Variants in SPARCL1 observed in about 807,000 individuals in gnomAD.
SPARCL1 encodes the protein SPARC like 1, also known as SPARC-like protein 1.
SPARCL1 carries 52 observed loss-of-function variants against 67.1 expected under a neutral mutation model. The observed-to-expected ratio is 0.78, with a 90% CI of 0.62 to 0.98. The LOEUF is 0.98. SPARCL1 is among the 50% of genes least tolerant of loss of function. SPARCL1 has a pLI of 0.00. For synonymous variants in SPARCL1, 226 were observed against 267.8 expected, an observed-to-expected ratio of 0.84 and a Z score of 1.52; for missense variants, 717 against 782.4, an observed-to-expected ratio of 0.92 and a Z score of 1.00.
Position 87,490,294 on chromosome 4 carries a change from C to A in SPARCL1, c.1510G>T (p.Asp504Tyr), listed in dbSNP as rs764876001. Reference sequence around the variant, plus strand: ...TTACATTTGCAGGCTCCAAAATAATCCAGCTGGAGTTGATGCCCCTTTTTG... The same window carrying A: ...TTACATTTGCAGGCTCCAAAATAATACAGCTGGAGTTGATGCCCCTTTTTG... ...GTKKGHQLQL[D>Y]YFGACKSIPT... The change falls in exon 7 of 11, where the codon GAT (aspartate) becomes TAT (tyrosine). Residue 504 changes from aspartate (D) to tyrosine (Y), a missense_variant. By Grantham distance (160) the Asp-to-Tyr change is radical. Transcript: ENST00000282470. 5 of 1,611,560 alleles carry A rather than the reference C, an allele frequency of 3.1e-6. No homozygotes were observed. The highest frequency in any genetic ancestry group is 4.2e-6 in the Non-Finnish European group (5 of 1,179,034).
At chr4:87,508,782 A>ATG (rs71667857) in intron 1 of SPARCL1, among the ~76,000 whole-genome samples, 39,177 of 139,826 alleles carry the variant, frequency 0.28, 5,413 homozygotes, top group East Asian at 0.45. Flanking sequence ...GATGAAACAT[A>ATG]TGTGTGTGTG....
chr4:87,505,551 TTTTA>T (rs1725037819), intron 1 of SPARCL1, among the ~76,000 whole-genome samples: 1 of 152,006 alleles, frequency 6.6e-6, no homozygotes, highest in South Asian at 2.1e-4. Context: ...TTATATTTTA[TTTTA>T]TTTATTTATT....
intron 4 of SPARCL1, among the ~76,000 whole-genome samples, chr4:87,491,964 A>T (rs1158188144): frequency 1.4e-5 from 2 of 141,902 alleles, no homozygotes; most frequent in Non-Finnish European, 3.1e-5. Flanking sequence ...CCAAAAAAAA[A>T]AAAATTAGCT....
chr4:87,494,414 G>C lies in SPARCL1; in HGVS notation c.386C>G (p.Pro129Arg), dbSNP rs74327902. ...GTTCTCTGAGAGTTTTTTCTCCTGA[G>C]GCTCACTCATATCTTCTTTTATGTC... ...TLDIKEDMSEPQEKKLSENTD... is the reference protein window; with the variant it reads ...TLDIKEDMSERQEKKLSENTD... Residue 129 changes from proline to arginine, a missense_variant, in exon 4 of 11, where the codon CCT (proline) becomes CGT (arginine). Pro to Arg is a moderately radical substitution (Grantham distance 103, BLOSUM62 -2). Transcript: ENST00000282470. 4.9e-4 allele frequency: 796 copies of C among 1,614,086 alleles called. 5 individuals are homozygous for C. The African/African-American group carries it at 9.8e-3, about 20-fold the overall frequency.
Position 87,504,451 on chromosome 4 carries a change from G to A in SPARCL1, c.-11-4866C>T, listed in dbSNP as rs149793021. Among the ~76,000 whole-genome samples the A allele has an allele frequency of 1.7e-3, 257 of 152,194 alleles. 1 individual carries two copies. The highest frequency in any genetic ancestry group is 5.7e-3 in the African/African-American group (237 of 41,528). Reference sequence around the variant, plus strand: ...TACTTGACATTTCTATTGCCATAGTGCTTTGGGTTTACCAAATAAATTTAC... The same window carrying A: ...TACTTGACATTTCTATTGCCATAGTACTTTGGGTTTACCAAATAAATTTAC... On this transcript the variant is annotated intron_variant, in intron 1 of 10. Coordinates refer to ENST00000282470, the MANE Select transcript of SPARCL1 (RefSeq NM_004684.6).
At chr4:87,511,774 A>G (rs1725367035) in intron 1 of SPARCL1, among the ~76,000 whole-genome samples, 1 of 152,086 alleles carries the variant, frequency 6.6e-6, no homozygotes, top group Non-Finnish European at 1.5e-5. Flanking sequence ...GGTGGATGCC[A>G]GCCTGCAGTG....
chr4:87,502,589 G>T (rs1290824556), intron 1 of SPARCL1, among the ~76,000 whole-genome samples: 1 of 152,136 alleles, frequency 6.6e-6, no homozygotes, highest in African/African-American at 2.4e-5. Flanking sequence ...TGTGACATAT[G>T]TTCTTGTCTC....
chr4:87,473,601 G>T lies in SPARCL1; in HGVS notation c.*174C>A. On this transcript the variant is annotated 3_prime_UTR_variant, in exon 11 of 11. Coordinates refer to ENST00000282470, the MANE Select transcript of SPARCL1 (RefSeq NM_004684.6). ...TTAATTGTACATTTTTGTTTCCAAA[G>T]TTAATGTTAAATACCTGGTGCATAG... 2.2e-6 allele frequency: 1 copy of T among 461,594 alleles called. No individual in the cohort carries two copies. The highest frequency in any genetic ancestry group is 3.9e-6 in the Non-Finnish European group (1 of 257,820). The allele number at this position is 461,594 out of a possible 1,614,324, so 28.6% of individuals were successfully genotyped here. A position where few individuals can be genotyped will look rare whatever the true frequency, so the allele number is the denominator to read the frequency against.
At chr4:87,511,960 TC>T (rs1725377008) in intron 1 of SPARCL1, among the ~76,000 whole-genome samples, 2 of 118,114 alleles carry the variant, frequency 1.7e-5, no homozygotes, top group African/African-American at 3.5e-5. Context: ...CTTTCCTCTT[TC>T]TTTCTCTTTT....
chr4:87,482,060 T>C (rs1488042436), intron 8 of SPARCL1, among the ~76,000 whole-genome samples: 1 of 152,246 alleles, frequency 6.6e-6, no homozygotes, highest in Non-Finnish European at 1.5e-5. Context: ...CTTTATATCA[T>C]ACATCTATGT....
At chr4:87,506,060 G>A (rs1725059205) in intron 1 of SPARCL1, among the ~76,000 whole-genome samples, 1 of 152,054 alleles carries the variant, frequency 6.6e-6, no homozygotes, top group South Asian at 2.1e-4. Flanking sequence ...GATGTCAGTA[G>A]CGAGCCCCCA....
intron 8 of SPARCL1, among the ~76,000 whole-genome samples, 195 bp downstream of exon 8, chr4:87,482,229 C>A (rs1039215936): frequency 6.6e-6 from 1 of 152,066 alleles, no homozygotes; most frequent in Non-Finnish European, 1.5e-5. Context: ...AAGAATGGGG[C>A]GGTTTGGTGG....
At chr4:87,516,415 A>G (rs866674267) in intron 1 of SPARCL1, among the ~76,000 whole-genome samples, 10 of 152,172 alleles carry the variant, frequency 6.6e-5, no homozygotes, top group Admixed American at 2.0e-4. Context: ...TAGTAGAATC[A>G]CTTATGGTCA....
At chr4:87,505,742 A>G (rs902877439) in intron 1 of SPARCL1, among the ~76,000 whole-genome samples, 5 of 107,820 alleles carry the variant, frequency 4.6e-5, no homozygotes, top group Non-Finnish European at 7.6e-5. Context: ...TTTTTTTTGT[A>G]GAGATGGGGT....
At chr4:87,474,821 C>G (rs564941138) in intron 10 of SPARCL1, among the ~76,000 whole-genome samples, 7 of 151,010 alleles carry the variant, frequency 4.6e-5, no homozygotes, top group African/African-American at 1.2e-4. Context: ...CGGCTCACTG[C>G]AAGCTCCGCC....
intron 2 of SPARCL1, among the ~76,000 whole-genome samples, chr4:87,495,439 A>C (rs921195221): frequency 2.0e-5 from 3 of 152,220 alleles, no homozygotes; most frequent in Non-Finnish European, 4.4e-5. Context: ...ACTTTTGCAA[A>C]GCATTTGTAC....
chr4:87,474,844 G>C (rs532375346), intron 10 of SPARCL1, among the ~76,000 whole-genome samples: 1 of 150,368 alleles, frequency 6.7e-6, no homozygotes, highest in African/African-American at 2.4e-5. Flanking sequence ...CCGGGTTCAC[G>C]CCATTCTCCT....
At chr4:87,522,876 G>T (rs1725883276) in intron 1 of SPARCL1, among the ~76,000 whole-genome samples, 1 of 152,012 alleles carries the variant, frequency 6.6e-6, no homozygotes, top group Admixed American at 6.6e-5. Flanking sequence ...ACCAAATCCT[G>T]CCGTAAAAAA....
Position 87,493,767 on chromosome 4 carries a change from CA to C in SPARCL1, c.1032del (p.Asp344GlufsTer53). 1 of 1,613,692 alleles carries C rather than the reference CA, an allele frequency of 6.2e-7. No homozygotes were observed. Among genetic ancestry groups the C allele is most frequent in the South Asian group, 1.1e-5 (1 of 91,076 alleles). The part of the protein sequence containing the change: ...NHGVDDDGDD[D>X]GDDGGTDGPR... ...GGGCCATCAGTGCCGCCATCATCGC[CA>C]TCATCATCGCCATCATCATCAACTC... On this transcript the variant is annotated frameshift_variant, in exon 4 of 11. Coordinates refer to ENST00000282470, the MANE Select transcript of SPARCL1 (RefSeq NM_004684.6). LOFTEE classifies it high-confidence loss of function.
Sources: allele counts gnomAD v4.1 joint callset (sites outside exome capture counted in the v4.1 genomes callset), GRCh38; gene constraint gnomAD v4.1.1; transcripts MANE v1.5; gene names NCBI Gene and HGNC (gene_info 2026-07-23, HGNC 2026-07-21).